The following IMMP2L variants were observed in gnomAD, a reference collection of about 807,000 sequenced individuals.
The protein encoded by IMMP2L is mitochondrial inner membrane protease subunit 2.
In IMMP2L, 18 loss-of-function variants were observed where a neutral mutation model predicts 19.3. That is an observed-to-expected ratio of 0.93 (90% CI 0.64 to 1.38). The LOEUF (loss-of-function observed/expected upper bound fraction) is 1.38, where lower values mean the gene tolerates loss of function less well. Ranked by LOEUF, IMMP2L falls within the 40% of genes most tolerant of loss-of-function variation. The pLI is 0.00. For synonymous variants in IMMP2L, 76 were observed against 73.0 expected (o/e 1.04, Z -0.21); for missense variants, 233 against 218.2 (o/e 1.07, Z -0.43).
At chr7:111,004,293 C>A (rs1464292254) in intron 3 of IMMP2L, among the ~76,000 whole-genome samples, 1 of 152,118 alleles carries the variant, frequency 6.6e-6, no homozygotes, top group African/African-American at 2.4e-5. Context: ...TCCTCCCCCG[C>A]TCAGCCTCCT....
rs149625650 is a variant in IMMP2L, at chr7:111,459,798, C to T, written c.239+27440G>A. 4.4e-3 allele frequency among the ~76,000 whole-genome samples: 667 copies of T among 152,228 alleles called. 3 individuals are homozygous for T. The highest frequency in any genetic ancestry group is 0.01 in the Middle Eastern group (3 of 294). ...ACTGATCAGAAATTCACCGGGAACT[C>T]CCTCTTCAGTGCAGGGGGATCCTAT... is the stretch of plus-strand genomic sequence containing the variant. On this transcript the variant is annotated intron_variant, in intron 3 of 5. Coordinates refer to ENST00000405709, the MANE Select transcript of IMMP2L (RefSeq NM_032549.4).
intron 3 of IMMP2L, among the ~76,000 whole-genome samples, chr7:111,030,160 A>G (rs1827254135): frequency 6.6e-6 from 1 of 152,220 alleles, no homozygotes; most frequent in African/African-American, 2.4e-5. Flanking sequence ...AGATGTGCAG[A>G]GTTCAGGATT....
intron 5 of IMMP2L, among the ~76,000 whole-genome samples, chr7:110,809,966 T>C (rs1287860579): frequency 6.6e-6 from 1 of 152,026 alleles, no homozygotes; most frequent in Admixed American, 6.6e-5. Flanking sequence ...CTTTGCATTA[T>C]GAAAAACACG....
At chr7:111,041,946 C>G (rs1791937279) in intron 3 of IMMP2L, among the ~76,000 whole-genome samples, 1 of 152,072 alleles carries the variant, frequency 6.6e-6, no homozygotes, top group Non-Finnish European at 1.5e-5. Flanking sequence ...AGCTCAGTTT[C>G]CTTATCTGTG....
chr7:110,860,872 T>G (rs1807323439), intron 5 of IMMP2L, among the ~76,000 whole-genome samples: 1 of 152,068 alleles, frequency 6.6e-6, no homozygotes, highest in South Asian at 2.1e-4. Context: ...GTCAGGGCAA[T>G]CCTTTCAATT....
chr7:111,553,237 G>C (rs1790882517), intron 1 of IMMP2L, among the ~76,000 whole-genome samples: 2 of 152,252 alleles, frequency 1.3e-5, no homozygotes, highest in South Asian at 4.2e-4. Flanking sequence ...AGAGAAAACA[G>C]ATCTGGAACC....
At chr7:111,264,516 T>G (rs1365808211) in intron 3 of IMMP2L, among the ~76,000 whole-genome samples, 1 of 152,108 alleles carries the variant, frequency 6.6e-6, no homozygotes, top group Non-Finnish European at 1.5e-5. Flanking sequence ...ATTTTCTTTT[T>G]TTTTAGGTTT....
At chr7:111,325,542 T>G (rs556796222) in intron 3 of IMMP2L, among the ~76,000 whole-genome samples, 2 of 151,858 alleles carry the variant, frequency 1.3e-5, no homozygotes, top group South Asian at 4.1e-4. Flanking sequence ...ACCAAAATAT[T>G]TTTAATCTTT....
intron 4 of IMMP2L, among the ~76,000 whole-genome samples, chr7:110,935,654 CA>C (rs1391182320): frequency 6.6e-6 from 1 of 152,102 alleles, no homozygotes; most frequent in Non-Finnish European, 1.5e-5. Flanking sequence ...CTATGCACAT[CA>C]AGCTACTACT....
At chr7:111,441,935 G>T (rs1031382683) in intron 3 of IMMP2L, among the ~76,000 whole-genome samples, 1 of 151,626 alleles carries the variant, frequency 6.6e-6, no homozygotes, top group Non-Finnish European at 1.5e-5. Flanking sequence ...TCAGTAGATC[G>T]AGACCACCCT....
At chr7:111,144,528 G>C (rs1445973257) in intron 3 of IMMP2L, among the ~76,000 whole-genome samples, 1 of 152,068 alleles carries the variant, frequency 6.6e-6, no homozygotes, top group East Asian at 1.9e-4. Context: ...GAAGTGACAG[G>C]ATCATCCTTT....
At chr7:111,201,457 T>C (rs1810106591) in intron 3 of IMMP2L, among the ~76,000 whole-genome samples, 1 of 152,186 alleles carries the variant, frequency 6.6e-6, no homozygotes, top group Admixed American at 6.5e-5. Flanking sequence ...GGCTCACACC[T>C]GTAGTCCCAA....
intron 4 of IMMP2L, among the ~76,000 whole-genome samples, chr7:110,915,402 T>C (rs1202104547): frequency 1.4e-5 from 2 of 145,368 alleles, no homozygotes; most frequent in African/African-American, 5.0e-5. Context: ...ATGTGTGGAA[T>C]CTAAAATAGT....
chr7:111,440,428 C>T (rs147144969), intron 3 of IMMP2L, among the ~76,000 whole-genome samples: 1 of 152,062 alleles, frequency 6.6e-6, no homozygotes, highest in Admixed American at 6.5e-5. Context: ...CCTTGTACAT[C>T]TCCATCAGAG....
intron 5 of IMMP2L, among the ~76,000 whole-genome samples, chr7:110,800,417 G>C (rs1008347394): frequency 6.6e-6 from 1 of 152,124 alleles, no homozygotes; most frequent in Admixed American, 6.6e-5. Context: ...AATCTGCAGA[G>C]AATTTTTGAA....
intron 5 of IMMP2L, among the ~76,000 whole-genome samples, chr7:110,739,375 T>C (rs1457159802): frequency 6.6e-6 from 1 of 152,104 alleles, no homozygotes; most frequent in African/African-American, 2.4e-5. Flanking sequence ...GAAAAAGACA[T>C]TCCATGCAAA....
chr7:111,376,486 G>C (rs971475394), intron 3 of IMMP2L, among the ~76,000 whole-genome samples: 3 of 152,096 alleles, frequency 2.0e-5, no homozygotes, highest in Non-Finnish European at 2.9e-5. Context: ...TCCGAAAACA[G>C]TTTGGCATTT....
chr7:111,222,322 C>T (rs540096872), intron 3 of IMMP2L, among the ~76,000 whole-genome samples: 3 of 151,286 alleles, frequency 2.0e-5, no homozygotes, highest in Non-Finnish European at 1.5e-5. Context: ...CCTAACAAAA[C>T]AAAAAAACTC....
intron 4 of IMMP2L, among the ~76,000 whole-genome samples, chr7:110,897,037 A>G (rs1159365418): frequency 6.6e-6 from 1 of 151,894 alleles, no homozygotes; most frequent in African/African-American, 2.4e-5. Flanking sequence ...CTGGCATCCA[A>G]CTCCTGGCCT....
Sources: gnomAD v4.1 joint callset for allele counts (sites outside exome capture counted in the v4.1 genomes callset) on GRCh38, gnomAD v4.1.1 for gene constraint, MANE v1.5 for transcripts, NCBI Gene and HGNC (gene_info 2026-07-23, HGNC 2026-07-21) for gene names.